The following MYO5A variants were observed in gnomAD, a reference collection of about 807,000 sequenced individuals.
The protein encoded by MYO5A is unconventional myosin-Va.
In MYO5A, 98 loss-of-function variants were observed where a neutral mutation model predicts 249.7. That is an observed-to-expected ratio of 0.39 (90% CI 0.33 to 0.46). The LOEUF (loss-of-function observed/expected upper bound fraction) is 0.46, where lower values mean the gene tolerates loss of function less well. Ranked by LOEUF, MYO5A falls within the 20% of genes least tolerant of loss-of-function variation. MYO5A has a pLI of 0.98. For missense variants in MYO5A, 1,696 were observed against 2,308.8 expected (o/e 0.73, Z 5.44); for synonymous variants, 778 against 810.6 (o/e 0.96, Z 0.68).
chr15:52,477,772 A>G (rs1213354925), intron 1 of MYO5A, among the ~76,000 whole-genome samples: 3 of 152,154 alleles, frequency 2.0e-5, no homozygotes, highest in Admixed American at 2.0e-4. Flanking sequence ...TTCCTCTGGA[A>G]GCTTCGTCTC....
intron 3 of MYO5A, among the ~76,000 whole-genome samples, chr15:52,426,690 G>T (rs531504080): frequency 6.6e-6 from 1 of 152,238 alleles, no homozygotes; most frequent in South Asian, 2.1e-4. Context: ...GAACTCCTGG[G>T]CTCAAGTGAT....
chr15:52,424,687 T>C (rs1242886388), intron 4 of MYO5A, among the ~76,000 whole-genome samples: 1 of 152,234 alleles, frequency 6.6e-6, no homozygotes, highest in Non-Finnish European at 1.5e-5. Flanking sequence ...TAGTTTTCTT[T>C]CCACCTTATA....
rs764361196 is a variant in MYO5A at position 52,343,183 on chromosome 15, TC to T, written c.3973del (p.Asp1325IlefsTer5). On this transcript the variant is annotated frameshift_variant, in exon 31 of 42. Coordinates refer to ENST00000399233, the MANE Select transcript of MYO5A (RefSeq NM_001382347.1). LOFTEE classifies it high-confidence loss of function. Reference protein sequence around the residue: ...LKETNRSSALDYHELNEDGEL... With the variant: ...LKETNRSSALXYHELNEDGEL... ...TCCATCCTCATTCAACTCATGGTAA[TC>T]CAGAGCAGATGATCTTCCATGCAAA... 5.0e-6 allele frequency: 8 copies of T among 1,613,814 alleles called. No individual in the cohort carries two copies. Among genetic ancestry groups the T allele is most frequent in the Non-Finnish European group, 5.9e-6 (7 of 1,179,706 alleles).
At chr15:52,451,386 T>C (rs117930495) in intron 1 of MYO5A, among the ~76,000 whole-genome samples, 1,603 of 152,306 alleles carry the variant, frequency 0.011, 40 homozygotes, top group Non-Finnish European at 9.9e-3. Flanking sequence ...TCTATCAAGC[T>C]TTCCTCCCCC....
intron 1 of MYO5A, among the ~76,000 whole-genome samples, chr15:52,493,015 C>A (rs1277051541): frequency 6.6e-6 from 1 of 151,962 alleles, no homozygotes; most frequent in Non-Finnish European, 1.5e-5. Context: ...ATTTATAGAA[C>A]CCTTAGTCTA....
chr15:52,468,126 G>T (rs982231969), intron 1 of MYO5A, among the ~76,000 whole-genome samples: 2 of 152,134 alleles, frequency 1.3e-5, no homozygotes, highest in Non-Finnish European at 2.9e-5. Flanking sequence ...GAGGCATGAG[G>T]ATTGCTTGAG....
intron 1 of MYO5A, among the ~76,000 whole-genome samples, chr15:52,453,804 TTATATC>T (rs750128163): frequency 5.1e-4 from 77 of 152,262 alleles, no homozygotes; most frequent in Admixed American, 5.2e-4. Flanking sequence ...ACATAACTTA[TTATATC>T]TATAAGATGT....
rs1332519761 is a variant in MYO5A, at chr15:52,310,805, T to C, written c.*2891A>G. On this transcript the variant is annotated 3_prime_UTR_variant, in exon 42 of 42. Transcript: ENST00000399233. The stretch of plus-strand genomic sequence containing the variant: ...CTCAGAGGGAAAGCAATCCTCAAAC[T>C]GGCCCAAAGATCCCCATAGTCGGCA... 1 of 152,324 alleles carries C rather than the reference T, an allele frequency of 6.6e-6. No homozygotes were observed. Among genetic ancestry groups the C allele is most frequent in the East Asian group, 1.9e-4 (1 of 5,202 alleles). 9.4% of individuals were successfully genotyped at this position (152,324 alleles called of 1,614,324 possible).
rs1161823302 is a variant in MYO5A, at chr15:52,350,077, C to T, written c.3849+1177G>A. 6.6e-5 allele frequency among the ~76,000 whole-genome samples: 10 copies of T among 152,308 alleles called. No homozygotes were observed. In the South Asian group the frequency reaches 8.3e-4, roughly 13 times the overall value. On this transcript the variant is annotated intron_variant, in intron 28 of 41. Coordinates refer to ENST00000399233, the MANE Select transcript of MYO5A (RefSeq NM_001382347.1). ...CCTCCCAAGTAGCTGGGACTACAGG[C>T]GCCTGCCACCACACCCGGTTGATTT... is the stretch of plus-strand genomic sequence containing the variant.
chr15:52,371,695 G>A (rs553338212), intron 21 of MYO5A, among the ~76,000 whole-genome samples: 1 of 152,018 alleles, frequency 6.6e-6, no homozygotes, highest in Admixed American at 6.5e-5. Flanking sequence ...GGCAACATGA[G>A]ACCCTGTTTC....
In MYO5A at chr15:52,408,131, C is replaced by A; in HGVS notation, c.766G>T (p.Glu256Ter). ...TGATAGAAGATATGATAGTTTCTCT[C>A]CTCTTCTGCCTTCGAAATAAGAAGA... Reference protein sequence around the residue: ...KSRVVFQAEEERNYHIFYQLC... With the variant: ...KSRVVFQAEE Residue 256 changes from glutamate (E) to a stop codon, truncating the protein, a stop_gained, in exon 7 of 42, where the codon GAG becomes TAG. Coordinates refer to ENST00000399233, the MANE Select transcript of MYO5A (RefSeq NM_001382347.1). LOFTEE classifies it high-confidence loss of function. 4 of 1,598,114 alleles carry A rather than the reference C, an allele frequency of 2.5e-6. No individual in the cohort carries two copies. The highest frequency in any genetic ancestry group is 3.4e-6 in the Non-Finnish European group (4 of 1,167,128).
At chr15:52,449,782 T>C (rs951546247) in intron 1 of MYO5A, among the ~76,000 whole-genome samples, 8 of 152,306 alleles carry the variant, frequency 5.3e-5, no homozygotes, top group Middle Eastern at 3.4e-3. Context: ...GGAGGACTGC[T>C]TGAGTCCAGG....
chr15:52,525,409 G>GA (rs1232164896), intron 1 of MYO5A, among the ~76,000 whole-genome samples: 1 of 152,128 alleles, frequency 6.6e-6, no homozygotes, highest in African/African-American at 2.4e-5. Flanking sequence ...TATACTGCTG[G>GA]AAAAACTTAC....
At chr15:52,450,529 C>A (rs527414822) in intron 1 of MYO5A, among the ~76,000 whole-genome samples, 4 of 151,456 alleles carry the variant, frequency 2.6e-5, no homozygotes, top group South Asian at 2.1e-4. Flanking sequence ...ATTAGTTGGG[C>A]ATGGTGGTGC....
intron 1 of MYO5A, among the ~76,000 whole-genome samples, chr15:52,456,537 G>A (rs2076123235): frequency 6.6e-6 from 1 of 152,044 alleles, no homozygotes; most frequent in South Asian, 2.1e-4. Flanking sequence ...AAACAAAGCT[G>A]GAGGCATGAC....
Position 52,379,804 on chromosome 15 carries a change from G to GA in MYO5A, c.2099+17dup, listed in dbSNP as rs770678856. The GA allele has an allele frequency of 4.3e-5, 70 of 1,613,960 alleles. No homozygotes were observed. The highest frequency in any genetic ancestry group is 5.8e-5 in the Non-Finnish European group (69 of 1,179,992). ...TCTCCCATTAGGATCCCTTACATCT[G>GA]AAAAATGCCAGGCTCACCGTGAGGG... On this transcript the variant is annotated intron_variant, in intron 17 of 41. Transcript: ENST00000399233.
intron 25 of MYO5A, among the ~76,000 whole-genome samples, chr15:52,355,442 C>G (rs948210968): frequency 1.3e-5 from 2 of 152,180 alleles, no homozygotes; most frequent in Non-Finnish European, 2.9e-5. Flanking sequence ...CAAAACGCTG[C>G]TTGGTTAGGC....
chr15:52,373,178 A>G (rs542609373), intron 20 of MYO5A, among the ~76,000 whole-genome samples: 2 of 152,318 alleles, frequency 1.3e-5, no homozygotes, highest in East Asian at 3.9e-4. Context: ...CTAAAAAAAA[A>G]TGATATTTCC....
At chr15:52,346,594 C>T (rs763111483) in intron 29 of MYO5A, 133 bp from the exon 30 acceptor site, 7 of 709,828 alleles carry the variant, frequency 9.9e-6, no homozygotes, top group South Asian at 9.0e-5. Flanking sequence ...AAAGCATCAG[C>T]CCCAACCTCA....
Sources: gnomAD v4.1 joint callset for allele counts (sites outside exome capture counted in the v4.1 genomes callset) on GRCh38, gnomAD v4.1.1 for gene constraint, MANE v1.5 for transcripts, NCBI Gene and HGNC (gene_info 2026-07-23, HGNC 2026-07-21) for gene names.